The following CAPZA1 variants were observed in gnomAD, a reference collection of about 807,000 sequenced individuals.
CAPZA1 encodes capping actin protein of muscle Z-line subunit alpha 1.
In CAPZA1, 10 loss-of-function variants were observed where a neutral mutation model predicts 40.8. That is an observed-to-expected ratio of 0.25 (90% CI 0.15 to 0.42). The LOEUF is 0.42. CAPZA1 is among the 10% of genes least tolerant of loss of function. The pLI is 1.00. For missense variants in CAPZA1, 277 were observed against 353.8 expected (o/e 0.78, Z 1.74); for synonymous variants, 98 against 115.0 (o/e 0.85, Z 0.95).
intron 7 of CAPZA1, among the ~76,000 whole-genome samples, chr1:112,662,399 T>C (rs1272702181): frequency 7.2e-6 from 1 of 138,512 alleles, no homozygotes; most frequent in Non-Finnish European, 1.6e-5. Context: ...ATTTTTCTTT[T>C]TTTTTTTTTT....
Position 112,661,833 on chromosome 1 carries a change from A to G in CAPZA1, c.585+2054A>G, listed in dbSNP as rs1487302958. Among the ~76,000 whole-genome samples, 3 of 152,238 alleles carry G rather than the reference A, an allele frequency of 2.0e-5. No individual in the cohort carries two copies. The East Asian group carries it at 5.8e-4, about 29-fold the overall frequency. ...AATACAGCCCAGTGTACAGACCCAC[A>G]TTTAAACCTTTTTAAGCACAGATTG... On this transcript the variant is annotated intron_variant, in intron 7 of 9. Transcript: ENST00000263168.
At chr1:112,626,041 A>C (rs1257300670) in intron 1 of CAPZA1, 2 of 152,456 alleles carry the variant, frequency 1.3e-5, no homozygotes, top group Non-Finnish European at 2.9e-5. Context: ...CAGGGCTCGA[A>C]GTCATTATGC....
rs773856348 is a variant in CAPZA1 at position 112,670,079 on chromosome 1, G to A, written c.808G>A (p.Asp270Asn). ...RQLPVTRTKI[D>N]WNKILSYKIG... ...GCTTCCAGTTACCCGCACCAAAATCGACTGGAACAAGATACTCAGCTACAA... is the reference window on the plus strand; with the variant it reads ...GCTTCCAGTTACCCGCACCAAAATCAACTGGAACAAGATACTCAGCTACAA... Residue 270 changes from aspartate (D) to asparagine (N), a missense_variant, in exon 10 of 10, where the codon GAC becomes AAC. This residue lies in a region of CAPZA1 where 192 missense variants were observed against 277.2 expected (regional missense o/e 0.69). Coordinates refer to ENST00000263168, the MANE Select transcript of CAPZA1 (RefSeq NM_006135.3). 3.1e-6 allele frequency: 5 copies of A among 1,613,858 alleles called. No homozygotes were observed. Among genetic ancestry groups the A allele is most frequent in the Admixed American group, 3.3e-5 (2 of 60,010 alleles).
chr1:112,621,434 TAG>T (rs1049276183), intron 1 of CAPZA1, among the ~76,000 whole-genome samples: 10 of 152,166 alleles, frequency 6.6e-5, no homozygotes, highest in Middle Eastern at 3.4e-3. Context: ...GTATTTCTTG[TAG>T]AGAGTGGGTT....
rs543925073 is a variant in CAPZA1, at chr1:112,630,519, A to AT, written c.39+10641dup. Among the ~76,000 whole-genome samples the AT allele has an allele frequency of 3.2e-4, 49 of 151,590 alleles. No individual in the cohort carries two copies. In the South Asian group the frequency reaches 4.2e-3, roughly 13 times the overall value. On this transcript the variant is annotated intron_variant, in intron 1 of 9. Coordinates refer to ENST00000263168, the MANE Select transcript of CAPZA1 (RefSeq NM_006135.3). ...TCACCACACCTGCCTAATTTTTTGT[A>AT]TTTTTAGTAGAGACGGGGTTTCACC...
intron 7 of CAPZA1, among the ~76,000 whole-genome samples, chr1:112,660,025 A>G (rs1288959282): frequency 6.6e-6 from 1 of 152,026 alleles, no homozygotes; most frequent in Non-Finnish European, 1.5e-5. Context: ...AACATAAGAT[A>G]TAACTAGGAA....
chr1:112,625,715 C>T (rs992486386), intron 1 of CAPZA1, among the ~76,000 whole-genome samples: 2 of 152,206 alleles, frequency 1.3e-5, no homozygotes, highest in Non-Finnish European at 2.9e-5. Flanking sequence ...AGCTTCCCAC[C>T]CCCATAAGTA....
chr1:112,648,855 C>T (rs568500420), intron 2 of CAPZA1, among the ~76,000 whole-genome samples: 15 of 151,776 alleles, frequency 9.9e-5, no homozygotes, highest in South Asian at 4.2e-4. Context: ...CCCAGCTGCT[C>T]GGGAGGCTGA....
At chr1:112,620,557 T>G (rs1216788832) in intron 1 of CAPZA1, 1 of 152,248 alleles carries the variant, frequency 6.6e-6, no homozygotes, top group Admixed American at 6.5e-5. Flanking sequence ...CGATAATTTT[T>G]GAAAATTTTG....
intron 3 of CAPZA1, among the ~76,000 whole-genome samples, chr1:112,653,224 C>T (rs1335461098): frequency 2.0e-5 from 3 of 152,144 alleles, no homozygotes; most frequent in Non-Finnish European, 4.4e-5. Context: ...CCCAGCTACT[C>T]AGGAAACAGA....
At chr1:112,630,166 T>TC (rs1670892815) in intron 1 of CAPZA1, among the ~76,000 whole-genome samples, 1 of 152,002 alleles carries the variant, frequency 6.6e-6, no homozygotes, top group African/African-American at 2.4e-5. Context: ...CCTCAGCCTT[T>TC]CTAATGAGTA....
At chr1:112,657,106 T>G (rs1394209363) in intron 5 of CAPZA1, among the ~76,000 whole-genome samples, 1 of 152,110 alleles carries the variant, frequency 6.6e-6, no homozygotes, top group African/African-American at 2.4e-5. Flanking sequence ...TTCACTGTGT[T>G]GGCCAGGCTG....
chr1:112,623,331 T>C (rs1228973422), intron 1 of CAPZA1, among the ~76,000 whole-genome samples: 1 of 152,210 alleles, frequency 6.6e-6, no homozygotes, highest in African/African-American at 2.4e-5. Flanking sequence ...CTGTCATTCT[T>C]CCATCTTCAC....
At chr1:112,639,962 TG>T (rs1671107200) in intron 1 of CAPZA1, among the ~76,000 whole-genome samples, 1 of 77,694 alleles carries the variant, frequency 1.3e-5, no homozygotes, top group African/African-American at 4.8e-5. Flanking sequence ...GGGAGGGAGG[TG>T]GGGGGGTCAG....
At chr1:112,631,430 C>A (rs1670914366) in intron 1 of CAPZA1, among the ~76,000 whole-genome samples, 1 of 151,906 alleles carries the variant, frequency 6.6e-6, no homozygotes, top group African/African-American at 2.4e-5. Context: ...TTTATAATCA[C>A]AAATGAAGAA....
chr1:112,667,298 A>G (rs1431423002), intron 8 of CAPZA1, among the ~76,000 whole-genome samples, 153 bp downstream of exon 8: 1 of 152,182 alleles, frequency 6.6e-6, no homozygotes, highest in Non-Finnish European at 1.5e-5. Context: ...CTTATCACCA[A>G]CCAGCATATA....
At chr1:112,665,108 A>G (rs1008924740) in intron 7 of CAPZA1, among the ~76,000 whole-genome samples, 7 of 152,134 alleles carry the variant, frequency 4.6e-5, no homozygotes, top group Admixed American at 6.5e-5. Flanking sequence ...TTTATCCCTC[A>G]AAACATTCTG....
chr1:112,648,819 C>T (rs1671332367), intron 2 of CAPZA1, among the ~76,000 whole-genome samples: 1 of 151,990 alleles, frequency 6.6e-6, no homozygotes, highest in Admixed American at 6.6e-5. Flanking sequence ...AAAAATTAGC[C>T]AAGCATGGTG....
intron 5 of CAPZA1, among the ~76,000 whole-genome samples, chr1:112,655,094 T>G (rs1671470791): frequency 6.6e-6 from 1 of 152,226 alleles, no homozygotes; most frequent in African/African-American, 2.4e-5. Context: ...AGAGAGCTTT[T>G]GCTCATATTT....
Sources: gnomAD v4.1 joint callset for allele counts (sites outside exome capture counted in the v4.1 genomes callset) on GRCh38, gnomAD v4.1.1 for gene constraint, gnomAD v4.1.1 regional missense constraint, MANE v1.5 for transcripts, NCBI Gene and HGNC (gene_info 2026-07-23, HGNC 2026-07-21) for gene names.